ANKRA2: variants seen among roughly 807,000 people sequenced by gnomAD.
The protein encoded by ANKRA2 is ankyrin repeat family A member 2, also known as ankyrin repeat family A protein 2.
Under a neutral mutation model 37.8 loss-of-function variants are expected in ANKRA2, and 33 were observed. The observed-to-expected ratio is 0.87, with a 90% CI of 0.66 to 1.17. ANKRA2 has a LOEUF of 1.17. ANKRA2 is among the 50% of genes most tolerant of loss of function. ANKRA2 has a pLI of 0.00. For missense variants in ANKRA2, 326 were observed against 373.7 expected (o/e 0.87, Z 1.05); for synonymous variants, 126 against 132.3 (o/e 0.95, Z 0.33).
At chr5:73,557,743 A>C in intron 3 of ANKRA2, 103 bp from the exon 4 acceptor site, 1 of 731,446 alleles carries the variant, frequency 1.4e-6, no homozygotes, top group Non-Finnish European at 2.2e-6. Context: ...CAAAACAAAA[A>C]CTACAATTTT....
Position 73,552,788 on chromosome 5 carries a change from T to C in ANKRA2, c.*9A>G, listed in dbSNP as rs1488794067. The C allele has an allele frequency of 1.3e-6, 2 of 1,595,326 alleles. No homozygotes were observed. Among genetic ancestry groups the C allele is most frequent in the African/African-American group, 1.3e-5 (1 of 74,418 alleles). ...AAACAAAAGGGCAGACATTTTCTGA[T>C]GACTGTGTCTACTCCTTGATATTTT... On this transcript the variant is annotated 3_prime_UTR_variant, in exon 9 of 9. Transcript: ENST00000296785.
chr5:73,552,713 G>C lies in ANKRA2; in HGVS notation c.*84C>G, dbSNP rs115554733. 9.1e-4 allele frequency: 1,165 copies of C among 1,279,326 alleles called. 10 individuals carry two copies. In the African/African-American group the frequency reaches 0.015, roughly 17 times the overall value. 79.2% of individuals were successfully genotyped at this position (1,279,326 alleles called of 1,614,324 possible). A position where few individuals can be genotyped will look rare whatever the true frequency, so the allele number is the denominator to read the frequency against. The stretch of plus-strand genomic sequence containing the variant: ...AAAAACCAGTAAATATTGCAACTGA[G>C]GTAAAAATTTATAAGTAAACAAAAC... On this transcript the variant is annotated 3_prime_UTR_variant, in exon 9 of 9. Transcript: ENST00000296785.
At chr5:73,564,919 T>C (rs1268842285) in intron 1 of ANKRA2, among the ~76,000 whole-genome samples, 1 of 126,344 alleles carries the variant, frequency 7.9e-6, no homozygotes, top group Non-Finnish European at 1.8e-5. Flanking sequence ...TTAGAAGAGG[T>C]GGTGGTGAGA....
At chr5:73,553,945 A>AT (rs1747323841) in intron 7 of ANKRA2, among the ~76,000 whole-genome samples, 1 of 151,730 alleles carries the variant, frequency 6.6e-6, no homozygotes, top group African/African-American at 2.4e-5. Context: ...TAATTTTTGT[A>AT]TTTTCTGTAG....
intron 4 of ANKRA2, among the ~76,000 whole-genome samples, chr5:73,556,834 C>T (rs997954402): frequency 6.6e-6 from 1 of 151,828 alleles, no homozygotes; most frequent in African/African-American, 2.4e-5. Flanking sequence ...AATGAAACTA[C>T]TCTGAGATGC....
intron 3 of ANKRA2, among the ~76,000 whole-genome samples, chr5:73,560,388 T>C (rs944555089): frequency 6.6e-6 from 1 of 151,978 alleles, no homozygotes; most frequent in Non-Finnish European, 1.5e-5. Context: ...TGAGACAGGG[T>C]CTCACTCTGT....
intron 2 of ANKRA2, 179 bp from the exon 3 acceptor site, chr5:73,561,467 A>C: frequency 5.6e-6 from 1 of 179,710 alleles, no homozygotes; most frequent in Non-Finnish European, 1.1e-5. Context: ...ATGGTTAGTC[A>C]AAAAAAAAAA....
Position 73,554,887 on chromosome 5 carries a change from C to A in ANKRA2, c.712G>T (p.Gly238Ter). The A allele has an allele frequency of 6.2e-7, 1 of 1,613,814 alleles. No individual in the cohort carries two copies. The highest frequency in any genetic ancestry group is 8.5e-7 in the Non-Finnish European group (1 of 1,179,826). ...TDIVKMLLDCGVDVNEYDWNG... is the reference protein window; with the variant it reads ...TDIVKMLLDC ...CAATCATATTCATTTACATCAACTC[C>A]ACAATCAAGCAGCATTTTGACAATA... is the stretch of plus-strand genomic sequence containing the variant. The change falls in exon 6 of 9, where the codon GGA becomes TGA. Residue 238 changes from glycine to a stop codon, truncating the protein, a stop_gained. Coordinates refer to ENST00000296785, the MANE Select transcript of ANKRA2 (RefSeq NM_023039.5). LOFTEE classifies it high-confidence loss of function.
Position 73,561,196 on chromosome 5 carries a change from G to A in ANKRA2, c.382C>T (p.Gln128Ter), listed in dbSNP as rs762545861. ...STTKHFSPIK[Q>*]STTLTNKHRG... ...TGTTTGTTGGTTAAAGTGGTTGACT[G>A]TTTTATGGGTGAGAAATGCTTTGTT... is the stretch of plus-strand genomic sequence containing the variant. Residue 128 changes from glutamine (Q) to a stop codon, truncating the protein, a stop_gained, in exon 3 of 9, where the codon CAG (glutamine) becomes TAG (stop). Coordinates refer to ENST00000296785, the MANE Select transcript of ANKRA2 (RefSeq NM_023039.5). LOFTEE classifies it high-confidence loss of function. 1.2e-5 allele frequency: 19 copies of A among 1,613,794 alleles called. No homozygotes were observed. In the Admixed American group the frequency reaches 1.3e-4, roughly 11 times the overall value.
At chr5:73,557,833 T>C (rs145340360) in intron 3 of ANKRA2, among the ~76,000 whole-genome samples, 193 bp from the exon 4 acceptor site, 124 of 152,234 alleles carry the variant, frequency 8.1e-4, no homozygotes, top group Middle Eastern at 3.4e-3. Flanking sequence ...TCCCAGCACT[T>C]TGGGAGGCAG....
intron 3 of ANKRA2, among the ~76,000 whole-genome samples, chr5:73,560,684 C>G (rs535740470): frequency 2.6e-5 from 4 of 152,266 alleles, no homozygotes; most frequent in African/African-American, 9.6e-5. Context: ...CCATGCCCAG[C>G]CTTCAGTGCA....
intron 8 of ANKRA2, 95 bp from the exon 9 acceptor site, chr5:73,552,947 TA>T: frequency 9.1e-7 from 1 of 1,102,060 alleles, no homozygotes; most frequent in South Asian, 1.4e-5. Flanking sequence ...TTTCCTAAAA[TA>T]AAGTTATTTC....
rs1181789388 is a variant in ANKRA2 at position 73,562,756 on chromosome 5, T to G, written c.126A>C (p.Glu42Asp). The G allele has an allele frequency of 6.2e-7, 1 of 1,614,066 alleles. No individual in the cohort carries two copies. Among genetic ancestry groups the G allele is most frequent in the Non-Finnish European group, 8.5e-7 (1 of 1,180,034 alleles). Reference sequence around the variant, plus strand: ...CCATGGCAACACCCTGAGCTGACCCTTCTTCTGAATTTGGGTCCAGTGGAT... The same window carrying G: ...CCATGGCAACACCCTGAGCTGACCCGTCTTCTGAATTTGGGTCCAGTGGAT... ...IEHPLDPNSE[E>D]GSAQGVAMGM... Residue 42 changes from glutamate (E) to aspartate (D), a missense_variant, in exon 2 of 9, where the codon GAA (glutamate) becomes GAC (aspartate). This residue lies in a region of ANKRA2 where 93 missense variants were observed against 91.1 expected (regional missense o/e 1.02). Coordinates refer to ENST00000296785, the MANE Select transcript of ANKRA2 (RefSeq NM_023039.5).
chr5:73,563,972 G>T (rs1187375482), intron 1 of ANKRA2, among the ~76,000 whole-genome samples: 3 of 151,854 alleles, frequency 2.0e-5, no homozygotes. Context: ...CCTAGGAGGG[G>T]TAAAAAAGGA....
At chr5:73,560,114 C>T (rs544596490) in intron 3 of ANKRA2, among the ~76,000 whole-genome samples, 2 of 152,182 alleles carry the variant, frequency 1.3e-5, no homozygotes, top group South Asian at 4.1e-4. Flanking sequence ...TTTACAACTG[C>T]TAAAACTACT....
At chr5:73,561,518 C>T (rs1221955067) in intron 2 of ANKRA2, 2 of 424,874 alleles carry the variant, frequency 4.7e-6, no homozygotes, top group Middle Eastern at 6.7e-4. Flanking sequence ...GTAACCCCAG[C>T]ACTTTGGGAG....
intron 2 of ANKRA2, among the ~76,000 whole-genome samples, chr5:73,562,074 T>C (rs1298724363): frequency 4.6e-5 from 7 of 152,182 alleles, no homozygotes; most frequent in Non-Finnish European, 8.8e-5. Flanking sequence ...TGGAGTACAG[T>C]GGCACAGTCT....
chr5:73,565,036 C>T (rs1162402191), intron 1 of ANKRA2, 96 bp downstream of exon 1: 2 of 152,220 alleles, frequency 1.3e-5, no homozygotes, highest in Non-Finnish European at 2.9e-5. Context: ...ATGCTAGTTC[C>T]TGTGGATGCT....
At position 73,553,431 on chromosome 5, in the gene ANKRA2, T is replaced by C. The variant is rs1747304138; in HGVS notation, c.861A>G (p.Leu287=). Residue 287 remains leucine, a synonymous_variant, in exon 8 of 9, where the codon CTA becomes CTG. Coordinates refer to ENST00000296785, the MANE Select transcript of ANKRA2 (RefSeq NM_023039.5). ...ETDSGYNSMD[L]AVALGYRSVQ... ...CACTTCTATAGCCTAGGGCTACAGC[T>C]AGATCCATAGAATTATATCCAGAGT... is the stretch of plus-strand genomic sequence containing the variant. The C allele has an allele frequency of 1.9e-6, 3 of 1,613,320 alleles. No homozygotes were observed. The highest frequency in any genetic ancestry group is 2.5e-6 in the Non-Finnish European group (3 of 1,179,680).
Sources: allele counts gnomAD v4.1 joint callset (sites outside exome capture counted in the v4.1 genomes callset), GRCh38; gene constraint gnomAD v4.1.1; regional missense constraint gnomAD v4.1.1; transcripts MANE v1.5; gene names NCBI Gene and HGNC (gene_info 2026-07-23, HGNC 2026-07-21).